Variants in SHISA9 observed in about 807,000 individuals in gnomAD.
The protein encoded by SHISA9 is shisa family member 9.
In SHISA9, 13 loss-of-function variants were observed where a neutral mutation model predicts 38.0. The observed-to-expected ratio is 0.34, with a 90% CI of 0.22 to 0.54. SHISA9 has a LOEUF of 0.54. SHISA9 is among the 20% of genes least tolerant of loss of function. The pLI is 0.91. For missense variants in SHISA9, 538 were observed against 575.8 expected (o/e 0.93, Z 0.67); for synonymous variants, 275 against 242.0 (o/e 1.14, Z -1.27).
In SHISA9 at chr16:12,938,961, T is replaced by G. The variant is rs77307580; in HGVS notation, c.691+22146T>G. Among the ~76,000 whole-genome samples, 810 of 152,314 alleles carry G rather than the reference T, an allele frequency of 5.3e-3. 7 individuals are homozygous for G. Among genetic ancestry groups the G allele is most frequent in the African/African-American group, 0.019 (786 of 41,566 alleles). On this transcript the variant is annotated intron_variant, in intron 2 of 4. Coordinates refer to ENST00000558583, the MANE Select transcript of SHISA9 (RefSeq NM_001145204.3). ...TGTTGAGTATGTGCCATGTTCCAAG[T>G]AAGCATTGAGGGTGGATATTCATTG...
At chr16:13,500,683 G>C in the SHISA9 span, among the ~76,000 whole-genome samples, 1 of 151,856 alleles carries the variant, frequency 6.6e-6, no homozygotes, top group Non-Finnish European at 1.5e-5. Flanking sequence ...AAAAAGACAG[G>C]GATTATGTAA....
chr16:13,135,308 C>G (rs2050339512), intron 2 of SHISA9, among the ~76,000 whole-genome samples: 1 of 152,232 alleles, frequency 6.6e-6, no homozygotes, highest in African/African-American at 2.4e-5. Context: ...ATTAGAGATG[C>G]ACCACCTGGA....
chr16:12,963,417 G>A (rs1426092051), intron 2 of SHISA9, among the ~76,000 whole-genome samples: 1 of 152,180 alleles, frequency 6.6e-6, no homozygotes, highest in Non-Finnish European at 1.5e-5. Flanking sequence ...ATGTGACACA[G>A]ACGTAAATAA....
rs569644164 is a variant in SHISA9, at chr16:13,213,139, T to C, written c.848-114T>C. 273 of 850,666 alleles carry C rather than the reference T, an allele frequency of 3.2e-4. 1 individual carries two copies. The African/African-American group carries it at 4.4e-3, about 14-fold the overall frequency. The allele number at this position is 850,666 out of a possible 1,614,324, so 52.7% of individuals were successfully genotyped here. A position where few individuals can be genotyped will look rare whatever the true frequency, so the allele number is the denominator to read the frequency against. ...TGTTCCCTGGGTCCCCTGAGGCCTG[T>C]CCCTGCTTGGAGGCTGCAGCAGGGG... On this transcript the variant is annotated intron_variant, in intron 3 of 4. Coordinates refer to ENST00000558583, the MANE Select transcript of SHISA9 (RefSeq NM_001145204.3).
In SHISA9 at chr16:12,925,447, A is replaced by T. The variant is rs2163974; in HGVS notation, c.691+8632A>T. Among the ~76,000 whole-genome samples, 512 of 66,272 alleles carry T rather than the reference A, an allele frequency of 7.7e-3. 5 individuals are homozygous for T. The highest frequency in any genetic ancestry group is 0.025 in the African/African-American group (442 of 17,934). The allele number at this position is 66,272 out of a possible 152,430, so 43.5% of individuals were successfully genotyped here. On this transcript the variant is annotated intron_variant, in intron 2 of 4. Transcript: ENST00000558583. ...CCAGAAAATGAGATTGTGTGTGTGT[A>T]TGTGTGTGTGTGTGTGTGTGTGTGT...
chr16:13,029,172 A>G (rs562876712), intron 2 of SHISA9, among the ~76,000 whole-genome samples: 16 of 152,352 alleles, frequency 1.1e-4, no homozygotes, highest in African/African-American at 3.1e-4. Context: ...CAGTATATCA[A>G]AGAGAGATCT....
chr16:13,308,256 T>A, the SHISA9 span, among the ~76,000 whole-genome samples: 1 of 151,690 alleles, frequency 6.6e-6, no homozygotes, highest in Non-Finnish European at 1.5e-5. Context: ...TGTTCCAGGC[T>A]CATCCCCTTG....
the SHISA9 span, among the ~76,000 whole-genome samples, chr16:13,425,257 G>T: frequency 6.6e-6 from 1 of 152,116 alleles, no homozygotes; most frequent in African/African-American, 2.4e-5. Context: ...ACTTTGGGAG[G>T]CCAAGGTGGG....
intron 2 of SHISA9, among the ~76,000 whole-genome samples, chr16:13,009,282 C>T (rs562708350): frequency 6.6e-6 from 1 of 152,186 alleles, no homozygotes; most frequent in African/African-American, 2.4e-5. Flanking sequence ...TTCAGAACCA[C>T]TGTGGCTTGT....
At chr16:13,544,423 T>TC in the SHISA9 span, among the ~76,000 whole-genome samples, 65 of 100,428 alleles carry the variant, frequency 6.5e-4, no homozygotes, top group Non-Finnish European at 1.1e-3. Context: ...GGTTTTTTTT[T>TC]TTCTTGTTTT....
the SHISA9 span, among the ~76,000 whole-genome samples, chr16:13,417,950 C>T: frequency 1.3e-5 from 2 of 152,332 alleles, no homozygotes; most frequent in East Asian, 1.9e-4. Flanking sequence ...GCCAATGATA[C>T]CCTACCTAAA....
chr16:13,506,260 C>G, the SHISA9 span, among the ~76,000 whole-genome samples: 1 of 152,042 alleles, frequency 6.6e-6, no homozygotes, highest in Admixed American at 6.6e-5. Flanking sequence ...GAGTATCTGC[C>G]ACATGCCAGG....
the SHISA9 span, among the ~76,000 whole-genome samples, chr16:13,546,274 C>A: frequency 6.6e-6 from 1 of 152,170 alleles, no homozygotes; most frequent in African/African-American, 2.4e-5. Flanking sequence ...TGCTTCTTCC[C>A]ACCCTTCCAT....
chr16:13,284,685 C>A, the SHISA9 span, among the ~76,000 whole-genome samples: 2 of 152,198 alleles, frequency 1.3e-5, no homozygotes, highest in Non-Finnish European at 2.9e-5. Context: ...GCAGCCTCCG[C>A]CTCCTGGGTT....
Position 13,235,374 on chromosome 16 carries a change from TTCA to T in SHISA9, c.1244_1246del (p.Ile415del). The stretch of plus-strand genomic sequence containing the variant: ...GCACTACCCACCCCCACAGCCATAC[TTCA>T]TCACCAACAGCAAAACAGAAGTGAC... On this transcript the variant is annotated inframe_deletion, in exon 5 of 5. Transcript: ENST00000558583. 5.8e-6 allele frequency: 9 copies of T among 1,540,080 alleles called. No homozygotes were observed. Among genetic ancestry groups the T allele is most frequent in the Non-Finnish European group, 7.8e-6 (9 of 1,146,916 alleles).
At chr16:13,370,277 T>C in the SHISA9 span, among the ~76,000 whole-genome samples, 3 of 152,148 alleles carry the variant, frequency 2.0e-5, no homozygotes, top group East Asian at 5.8e-4. Context: ...TCTGCTCAGA[T>C]ACAAACCTCA....
intron 2 of SHISA9, among the ~76,000 whole-genome samples, chr16:13,142,893 C>CT (rs1324402021): frequency 6.6e-6 from 1 of 152,018 alleles, no homozygotes; most frequent in Non-Finnish European, 1.5e-5. Flanking sequence ...TCCTAATTTC[C>CT]TTTTTTATAT....
chr16:13,488,738 C>CTTAT, the SHISA9 span, among the ~76,000 whole-genome samples: 7 of 152,076 alleles, frequency 4.6e-5, no homozygotes, highest in African/African-American at 1.7e-4. Flanking sequence ...ACAATGCATT[C>CTTAT]TTATTTATTT....
At chr16:13,091,413 C>G (rs2073773723) in intron 2 of SHISA9, among the ~76,000 whole-genome samples, 1 of 152,194 alleles carries the variant, frequency 6.6e-6, no homozygotes, top group Non-Finnish European at 1.5e-5. Flanking sequence ...TGGTTGCATT[C>G]TCCCCATCAC....
Sources: allele counts gnomAD v4.1 joint callset (sites outside exome capture counted in the v4.1 genomes callset), GRCh38; gene constraint gnomAD v4.1.1; transcripts MANE v1.5; gene names NCBI Gene and HGNC (gene_info 2026-07-23, HGNC 2026-07-21).